ST6GALNAC3: variants seen among roughly 807,000 people sequenced by gnomAD.
The protein encoded by ST6GALNAC3 is ST6 N-acetylgalactosaminide alpha-2,6-sialyltransferase 3.
In ST6GALNAC3, 25 loss-of-function variants were observed where a neutral mutation model predicts 32.7. That is an observed-to-expected ratio of 0.76 (90% confidence interval 0.56 to 1.07). The LOEUF (loss-of-function observed/expected upper bound fraction) is 1.07, where lower values mean the gene tolerates loss of function less well. ST6GALNAC3 is among the 50% of genes least tolerant of loss of function. The probability of loss-of-function intolerance (pLI) is 0.00; values close to 1 mark genes in which losing one functional copy is unlikely to be tolerated. For synonymous variants in ST6GALNAC3, 129 were observed against 133.1 expected (o/e 0.97, Z 0.21); for missense variants, 355 against 382.4 (o/e 0.93, Z 0.60).
intron 1 of ST6GALNAC3, among the ~76,000 whole-genome samples, chr1:76,157,517 G>A (rs2100360329): frequency 6.6e-6 from 1 of 152,304 alleles, no homozygotes; most frequent in South Asian, 2.1e-4. Flanking sequence ...TTTACAGACT[G>A]CATACATTTC....
chr1:76,628,126 A>G (rs1272627911), intron 4 of ST6GALNAC3, among the ~76,000 whole-genome samples: 1 of 151,988 alleles, frequency 6.6e-6, no homozygotes, highest in Non-Finnish European at 1.5e-5. Flanking sequence ...TCCATGCTTC[A>G]TCAGGATAAT....
At chr1:76,181,707 T>G (rs1202406344) in intron 1 of ST6GALNAC3, among the ~76,000 whole-genome samples, 2 of 152,230 alleles carry the variant, frequency 1.3e-5, no homozygotes, top group African/African-American at 4.8e-5. Context: ...GTTTGCTTAT[T>G]AACCAGGTTT....
intron 3 of ST6GALNAC3, among the ~76,000 whole-genome samples, chr1:76,431,231 A>G (rs1459146095): frequency 6.6e-6 from 1 of 152,134 alleles, no homozygotes; most frequent in Non-Finnish European, 1.5e-5. Flanking sequence ...GCAGGTGAAC[A>G]CTGGGTATGC....
chr1:76,328,825 TTGTGTTTCTTTC>T (rs1557791760), intron 2 of ST6GALNAC3, among the ~76,000 whole-genome samples: 1 of 152,196 alleles, frequency 6.6e-6, no homozygotes, highest in Non-Finnish European at 1.5e-5. Flanking sequence ...CAAATAGCCC[TTGTGTTTCTTTC>T]TTGAACATCT....
chr1:76,305,975 A>C (rs1273318391), intron 1 of ST6GALNAC3: 1 of 513,956 alleles, frequency 1.9e-6, no homozygotes, highest in African/African-American at 1.9e-5. Flanking sequence ...ACTAATGGGA[A>C]CATTCTCATA....
chr1:76,169,445 T>C (rs1423910169), intron 1 of ST6GALNAC3, among the ~76,000 whole-genome samples: 1 of 151,992 alleles, frequency 6.6e-6, no homozygotes, highest in Middle Eastern at 3.2e-3. Flanking sequence ...TCTTTAGTAT[T>C]AGTAAAAAGA....
chr1:76,621,391 T>C (rs1349176840), intron 3 of ST6GALNAC3, among the ~76,000 whole-genome samples: 2 of 152,068 alleles, frequency 1.3e-5, no homozygotes, highest in African/African-American at 4.8e-5. Flanking sequence ...TTTATTTATT[T>C]GAAAAGTTTA....
At chr1:76,264,105 T>C (rs1658399189) in intron 1 of ST6GALNAC3, among the ~76,000 whole-genome samples, 1 of 152,168 alleles carries the variant, frequency 6.6e-6, no homozygotes, top group African/African-American at 2.4e-5. Flanking sequence ...GAAGGAGCCA[T>C]GGAGATTACC....
At chr1:76,110,044 T>A (rs1647815132) in intron 1 of ST6GALNAC3, among the ~76,000 whole-genome samples, 1 of 152,214 alleles carries the variant, frequency 6.6e-6, no homozygotes. Flanking sequence ...TTTAATTTGT[T>A]TATTGGATAT....
At chr1:76,548,275 C>T (rs192624611) in intron 3 of ST6GALNAC3, among the ~76,000 whole-genome samples, 641 of 152,260 alleles carry the variant, frequency 4.2e-3, no homozygotes, top group Admixed American at 9.5e-3. Flanking sequence ...GTGTGTTTAT[C>T]TGCTTGGGAT....
chr1:76,384,437 T>C (rs572509384), intron 2 of ST6GALNAC3, among the ~76,000 whole-genome samples: 9 of 152,288 alleles, frequency 5.9e-5, no homozygotes, highest in Admixed American at 3.3e-4. Context: ...ACAATCATAG[T>C]TGGTGGTTTT....
Position 76,475,231 on chromosome 1 carries a change from G to A in ST6GALNAC3, c.623+62814G>A, listed in dbSNP as rs569197072. ...GACAGTGTAGTTTAAAGAGGCTACAGTGTAGTGTAGCGGCTTACGCTCTGT... is the reference window on the plus strand; with the variant it reads ...GACAGTGTAGTTTAAAGAGGCTACAATGTAGTGTAGCGGCTTACGCTCTGT... On this transcript the variant is annotated intron_variant, in intron 3 of 4. Transcript: ENST00000328299. 2.0e-5 allele frequency among the ~76,000 whole-genome samples: 3 copies of A among 152,296 alleles called. No individual in the cohort carries two copies. In the South Asian group the frequency reaches 6.2e-4, roughly 32 times the overall value.
intron 3 of ST6GALNAC3, among the ~76,000 whole-genome samples, chr1:76,533,395 G>T (rs1035719999): frequency 2.0e-5 from 3 of 152,090 alleles, no homozygotes; most frequent in Non-Finnish European, 2.9e-5. Context: ...CCACAGTGTG[G>T]GTTCCCAGAT....
chr1:76,314,824 G>C (rs1197529700), intron 2 of ST6GALNAC3, among the ~76,000 whole-genome samples: 1 of 152,120 alleles, frequency 6.6e-6, no homozygotes, highest in Non-Finnish European at 1.5e-5. Context: ...AGCTACCAGT[G>C]TGTCTACATT....
At chr1:76,125,037 A>G (rs113277468) in intron 1 of ST6GALNAC3, among the ~76,000 whole-genome samples, 1 of 152,224 alleles carries the variant, frequency 6.6e-6, no homozygotes, top group Non-Finnish European at 1.5e-5. Context: ...TTAAGAAAAT[A>G]TATCAAATTT....
Position 76,631,170 on chromosome 1 carries a change from G to A in ST6GALNAC3, c.*2364G>A. On this transcript the variant is annotated 3_prime_UTR_variant, in exon 5 of 5. Coordinates refer to ENST00000328299, the MANE Select transcript of ST6GALNAC3 (RefSeq NM_152996.4). ...GTAGACTCCAGTGTTTTCTTAGGAG[G>A]GGTGGGAAAGGGCTTTCTTTCCTCT... is the stretch of plus-strand genomic sequence containing the variant. 3.0e-6 allele frequency: 1 copy of A among 333,256 alleles called. No individual in the cohort carries two copies. Among genetic ancestry groups the A allele is most frequent in the Non-Finnish European group, 4.3e-6 (1 of 233,976 alleles). The allele number at this position is 333,256 out of a possible 1,614,324, so 20.6% of individuals were successfully genotyped here. A position where few individuals can be genotyped will look rare whatever the true frequency, so the allele number is the denominator to read the frequency against.
chr1:76,193,080 GC>G (rs1482098261), intron 1 of ST6GALNAC3, among the ~76,000 whole-genome samples: 1 of 152,054 alleles, frequency 6.6e-6, no homozygotes, highest in East Asian at 1.9e-4. Context: ...CTAGAAACAA[GC>G]TTTTGTGCTT....
At position 76,629,557 on chromosome 1, in the gene ST6GALNAC3, G is replaced by A. The variant is rs1202273558; in HGVS notation, c.*751G>A. 2.0e-6 allele frequency: 2 copies of A among 984,734 alleles called. No homozygotes were observed. The highest frequency in any genetic ancestry group is 3.5e-5 in the African/African-American group (2 of 57,150). 61.0% of individuals were successfully genotyped at this position (984,734 alleles called of 1,614,324 possible). A position where few individuals can be genotyped will look rare whatever the true frequency, so the allele number is the denominator to read the frequency against. Reference sequence around the variant, plus strand: ...TGTGATTAGAATGATCTATATTAATGTTTAGTTATTTTTGGTTGAGTGCTA... The same window carrying A: ...TGTGATTAGAATGATCTATATTAATATTTAGTTATTTTTGGTTGAGTGCTA... On this transcript the variant is annotated 3_prime_UTR_variant, in exon 5 of 5. Coordinates refer to ENST00000328299, the MANE Select transcript of ST6GALNAC3 (RefSeq NM_152996.4).
chr1:76,326,563 C>CTTA (rs978019531), intron 2 of ST6GALNAC3, among the ~76,000 whole-genome samples: 1 of 151,962 alleles, frequency 6.6e-6, no homozygotes, highest in African/African-American at 2.4e-5. Flanking sequence ...ATCTTATCTA[C>CTTA]ACAAGTAATT....
Sources: gnomAD v4.1 joint callset for allele counts (sites outside exome capture counted in the v4.1 genomes callset) on GRCh38, gnomAD v4.1.1 for gene constraint, MANE v1.5 for transcripts, NCBI Gene and HGNC (gene_info 2026-07-23, HGNC 2026-07-21) for gene names.